Variants in SPOCK1 observed in about 807,000 individuals in gnomAD.
SPOCK1 encodes testican-1.
SPOCK1 carries 23 observed loss-of-function variants against 55.3 expected under a neutral mutation model. The ratio of observed to expected loss-of-function variants is 0.42; its 90% CI spans 0.30 to 0.59. The LOEUF (loss-of-function observed/expected upper bound fraction) is 0.59. Among genes scored for constraint, SPOCK1 ranks in the 20% least tolerant of loss-of-function variants. The pLI is 0.22. For missense variants in SPOCK1, 499 were observed against 552.5 expected, an observed-to-expected ratio of 0.90 and a Z score of 0.97; for synonymous variants, 226 against 221.0, an observed-to-expected ratio of 1.02 and a Z score of -0.20.
At chr5:137,309,869 G>C (rs934862303) in intron 2 of SPOCK1, among the ~76,000 whole-genome samples, 2 of 152,002 alleles carry the variant, frequency 1.3e-5, no homozygotes, top group African/African-American at 4.8e-5. Flanking sequence ...TCAATTTATA[G>C]TTTCTACTTT....
intron 2 of SPOCK1, chr5:137,313,596 C>T: frequency 2.1e-6 from 1 of 483,462 alleles, no homozygotes; most frequent in African/African-American, 2.1e-5. Flanking sequence ...TTCTTCTAAG[C>T]TCCCAGAACA....
intron 2 of SPOCK1, among the ~76,000 whole-genome samples, chr5:137,497,313 T>A (rs1398464906): frequency 6.6e-6 from 1 of 152,224 alleles, no homozygotes; most frequent in African/African-American, 2.4e-5. Context: ...GTTTAACACC[T>A]AAAACTGATC....
At chr5:137,135,041 C>T (rs1753954667) in intron 4 of SPOCK1, among the ~76,000 whole-genome samples, 1 of 152,170 alleles carries the variant, frequency 6.6e-6, no homozygotes, top group African/African-American at 2.4e-5. Flanking sequence ...GAGGCCCAGC[C>T]CATTGGGAAG....
In SPOCK1 at chr5:137,127,875, T is replaced by C. The variant is rs868291430; in HGVS notation, c.347+12705A>G. ...AGAGTTTGGACTTAAGACTTTAAAG[T>C]TGATGTTGGAATGAATTAAGACGTT... On this transcript the variant is annotated intron_variant, in intron 4 of 10. Coordinates refer to ENST00000394945, the MANE Select transcript of SPOCK1 (RefSeq NM_004598.4). Among the ~76,000 whole-genome samples the C allele has an allele frequency of 2.6e-4, 40 of 152,274 alleles. 1 individual carries two copies. Among genetic ancestry groups the C allele is most frequent in the African/African-American group, 8.9e-4 (37 of 41,544 alleles).
chr5:137,112,689 C>G, intron 4 of SPOCK1, 128 bp from the exon 5 acceptor site: 1 of 1,157,296 alleles, frequency 8.6e-7, no homozygotes, highest in Non-Finnish European at 1.2e-6. Flanking sequence ...ATCCTGAGGG[C>G]CTTAGCCAGC....
At chr5:137,212,178 A>G (rs1325963184) in intron 3 of SPOCK1, among the ~76,000 whole-genome samples, 4 of 152,282 alleles carry the variant, frequency 2.6e-5, no homozygotes, top group South Asian at 2.1e-4. Flanking sequence ...GACAGAATTA[A>G]GTTAAACTGT....
At chr5:137,028,187 A>C (rs1751713031) in intron 6 of SPOCK1, among the ~76,000 whole-genome samples, 1 of 152,206 alleles carries the variant, frequency 6.6e-6, no homozygotes, top group East Asian at 1.9e-4. Flanking sequence ...CCCCAGGGAC[A>C]CAGGTGAAGG....
intron 3 of SPOCK1, among the ~76,000 whole-genome samples, chr5:137,237,095 T>G (rs188754495): frequency 3.3e-5 from 5 of 152,204 alleles, no homozygotes; most frequent in Non-Finnish European, 5.9e-5. Context: ...AAATCAGCGA[T>G]GCCAATGGAA....
At chr5:137,202,038 CA>C (rs1755435606) in intron 3 of SPOCK1, among the ~76,000 whole-genome samples, 1 of 152,208 alleles carries the variant, frequency 6.6e-6, no homozygotes, top group African/African-American at 2.4e-5. Flanking sequence ...TTCCAACCTA[CA>C]GGGGTGCTCA....
chr5:137,027,763 T>G (rs1751705469), intron 6 of SPOCK1, among the ~76,000 whole-genome samples: 1 of 152,070 alleles, frequency 6.6e-6, no homozygotes, highest in South Asian at 2.1e-4. Context: ...TAGTCCATCC[T>G]CCTGCCCCCA....
At chr5:137,436,994 C>T (rs2974501) in intron 2 of SPOCK1, among the ~76,000 whole-genome samples, 56,424 of 152,016 alleles carry the variant, frequency 0.37, 11,230 homozygotes, top group East Asian at 0.64. Flanking sequence ...GAATGAGTGA[C>T]GAATGGGTCC....
chr5:137,107,379 C>T (rs115058474), intron 5 of SPOCK1, among the ~76,000 whole-genome samples: 2,248 of 152,234 alleles, frequency 0.015, 61 homozygotes, highest in African/African-American at 0.051. Context: ...ATTACTACGG[C>T]GATCCTTACT....
At chr5:137,137,587 G>A (rs556383779) in intron 4 of SPOCK1, among the ~76,000 whole-genome samples, 1 of 152,316 alleles carries the variant, frequency 6.6e-6, no homozygotes, top group Non-Finnish European at 1.5e-5. Flanking sequence ...ATCTCAGCCA[G>A]TGCCTCCTCC....
At chr5:137,334,547 A>G (rs1410065920) in intron 2 of SPOCK1, among the ~76,000 whole-genome samples, 1 of 152,238 alleles carries the variant, frequency 6.6e-6, no homozygotes, top group African/African-American at 2.4e-5. Flanking sequence ...GGTGCTCCAC[A>G]TTCTCTCCAA....
intron 5 of SPOCK1, among the ~76,000 whole-genome samples, chr5:137,086,354 AG>A (rs2127016665): frequency 6.6e-6 from 1 of 152,322 alleles, no homozygotes; most frequent in African/African-American, 2.4e-5. Context: ...GGACAGTAGC[AG>A]CATCTCTGCT....
intron 2 of SPOCK1, among the ~76,000 whole-genome samples, chr5:137,452,062 G>C (rs956420980): frequency 4.6e-5 from 7 of 152,122 alleles, no homozygotes; most frequent in African/African-American, 1.7e-4. Context: ...TTGAGCATCA[G>C]GTTGATGGCC....
chr5:137,433,137 G>GC (rs1293755885), intron 2 of SPOCK1, among the ~76,000 whole-genome samples: 2 of 152,332 alleles, frequency 1.3e-5, no homozygotes, highest in African/African-American at 4.8e-5. Flanking sequence ...CAAAGCCACT[G>GC]CTTCTGGCTT....
At chr5:137,228,983 C>T (rs1044367860) in intron 3 of SPOCK1, among the ~76,000 whole-genome samples, 15 of 152,270 alleles carry the variant, frequency 9.9e-5, no homozygotes, top group Admixed American at 2.0e-4. Flanking sequence ...GCCGAGCTCA[C>T]GCACTGCAAA....
intron 2 of SPOCK1, among the ~76,000 whole-genome samples, chr5:137,354,349 C>A (rs1750744738): frequency 1.3e-5 from 2 of 152,160 alleles, no homozygotes; most frequent in Non-Finnish European, 2.9e-5. Context: ...CCTCACCCCA[C>A]TCCTCAAGAA....
Sources: gnomAD v4.1 joint callset for allele counts (sites outside exome capture counted in the v4.1 genomes callset) on GRCh38, gnomAD v4.1.1 for gene constraint, MANE v1.5 for transcripts, NCBI Gene and HGNC (gene_info 2026-07-23, HGNC 2026-07-21) for gene names.